The following SLC7A1 variants were observed in gnomAD, a reference collection of about 807,000 sequenced individuals.
SLC7A1 encodes the protein high affinity cationic amino acid transporter 1.
Under a neutral mutation model 53.9 loss-of-function variants are expected in SLC7A1, and 10 were observed. That is an observed-to-expected ratio of 0.19 (90% CI 0.11 to 0.31). The LOEUF (loss-of-function observed/expected upper bound fraction) is 0.31. Ranked by LOEUF, SLC7A1 falls within the 10% of genes least tolerant of loss-of-function variation. The pLI is 1.00. For missense variants in SLC7A1, 525 were observed against 827.2 expected (o/e 0.63, Z 4.48); for synonymous variants, 342 against 338.7 (o/e 1.01, Z -0.11).
At chr13:29,516,994 C>G in intron 11 of SLC7A1, 150 bp downstream of exon 11, 1 of 653,692 alleles carries the variant, frequency 1.5e-6, no homozygotes, top group Middle Eastern at 4.3e-4. Context: ...TCTGTGCCTT[C>G]AGGACCCCTG....
chr13:29,531,316 G>GTTT (rs35134959), intron 4 of SLC7A1, among the ~76,000 whole-genome samples: 54 of 149,912 alleles, frequency 3.6e-4, no homozygotes, highest in African/African-American at 7.6e-4. Flanking sequence ...GCAAACTCAC[G>GTTT]TTTTTTTTTT....
chr13:29,551,246 A>G (rs954250609), intron 2 of SLC7A1, among the ~76,000 whole-genome samples: 2 of 152,204 alleles, frequency 1.3e-5, no homozygotes, highest in East Asian at 3.8e-4. Flanking sequence ...ACCACCTATT[A>G]TGCACCTACT....
At chr13:29,588,128 C>G (rs1566279469) in intron 1 of SLC7A1, among the ~76,000 whole-genome samples, 1 of 152,190 alleles carries the variant, frequency 6.6e-6, no homozygotes, top group Admixed American at 6.5e-5. Context: ...AGAACCCCCA[C>G]ACTGCAAAAC....
intron 1 of SLC7A1, among the ~76,000 whole-genome samples, chr13:29,588,129 A>G (rs1036904949): frequency 1.3e-5 from 2 of 152,152 alleles, no homozygotes; most frequent in African/African-American, 4.8e-5. Flanking sequence ...GAACCCCCAC[A>G]CTGCAAAACT....
intron 1 of SLC7A1, among the ~76,000 whole-genome samples, chr13:29,580,847 G>C (rs2139182405): frequency 6.6e-6 from 1 of 152,180 alleles, no homozygotes; most frequent in Admixed American, 6.5e-5. Flanking sequence ...TGCCATGATG[G>C]GATTTTCAAC....
At chr13:29,518,218 T>C (rs1868448221) in intron 9 of SLC7A1, among the ~76,000 whole-genome samples, 1 of 152,250 alleles carries the variant, frequency 6.6e-6, no homozygotes, top group Non-Finnish European at 1.5e-5. Flanking sequence ...GAAATGTGGC[T>C]GCAGGCTAGA....
intron 12 of SLC7A1, 25 bp from the exon 13 acceptor site, chr13:29,514,608 C>G: frequency 1.3e-6 from 2 of 1,554,846 alleles, no homozygotes; most frequent in Non-Finnish European, 1.8e-6. Flanking sequence ...CAGAGACGGG[C>G]GTGAACAGAC....
intron 1 of SLC7A1, among the ~76,000 whole-genome samples, chr13:29,561,200 C>T (rs141816164): frequency 6.6e-6 from 1 of 152,296 alleles, no homozygotes; most frequent in East Asian, 1.9e-4. Context: ...ATGACGGCAG[C>T]ACACTTCTCA....
intron 2 of SLC7A1, among the ~76,000 whole-genome samples, chr13:29,545,762 C>T (rs1459036076): frequency 6.6e-6 from 1 of 152,126 alleles, no homozygotes; most frequent in African/African-American, 2.4e-5. Flanking sequence ...CTGTAAGTAC[C>T]ACCTACTCCA....
At position 29,554,535 on chromosome 13, in the gene SLC7A1, C is replaced by T. The variant is rs112336068; in HGVS notation, c.-114-675G>A. Reference sequence around the variant, plus strand: ...CTGGTATGAACGCAGCCTGAGGACACGCTACGAAGAACCTCATAGATGCAT... The same window carrying T: ...CTGGTATGAACGCAGCCTGAGGACATGCTACGAAGAACCTCATAGATGCAT... On this transcript the variant is annotated intron_variant, in intron 1 of 12. Coordinates refer to ENST00000380752, the MANE Select transcript of SLC7A1 (RefSeq NM_003045.5). 6.7e-3 allele frequency among the ~76,000 whole-genome samples: 1,014 copies of T among 152,268 alleles called. 10 individuals are homozygous for T. The highest frequency in any genetic ancestry group is 0.022 in the African/African-American group (914 of 41,548).
At chr13:29,561,511 A>C (rs890461253) in intron 1 of SLC7A1, among the ~76,000 whole-genome samples, 2 of 152,178 alleles carry the variant, frequency 1.3e-5, no homozygotes, top group African/African-American at 4.8e-5. Flanking sequence ...TTGTAAAAAG[A>C]GGGGGTTTCT....
intron 1 of SLC7A1, among the ~76,000 whole-genome samples, chr13:29,595,071 C>A (rs1403369819): frequency 6.6e-6 from 1 of 152,146 alleles, no homozygotes. Flanking sequence ...CCGACCACCC[C>A]GTGCGTAGCG....
intron 1 of SLC7A1, among the ~76,000 whole-genome samples, chr13:29,583,121 A>C (rs1033341541): frequency 1.3e-5 from 2 of 152,230 alleles, no homozygotes; most frequent in African/African-American, 4.8e-5. Context: ...GTCCCTCATT[A>C]GGTCTAGACC....
intron 1 of SLC7A1, among the ~76,000 whole-genome samples, chr13:29,572,707 TA>T (rs1461699108): frequency 3.9e-5 from 6 of 152,196 alleles, no homozygotes; most frequent in African/African-American, 1.4e-4. Flanking sequence ...CCCTAGTTTG[TA>T]ATCTACAAAG....
Position 29,595,095 on chromosome 13 carries a change from C to A in SLC7A1, c.-115+321G>T, listed in dbSNP as rs368867170. Reference sequence around the variant, plus strand: ...CCGTGCGTAGCGGCGCGCGGGTCCCCGGACAGGCGCGCGGAGCGGGCATCG... The same window carrying A: ...CCGTGCGTAGCGGCGCGCGGGTCCCAGGACAGGCGCGCGGAGCGGGCATCG... On this transcript the variant is annotated intron_variant, in intron 1 of 12. Transcript: ENST00000380752. Among the ~76,000 whole-genome samples, 8 of 151,874 alleles carry A rather than the reference C, an allele frequency of 5.3e-5. No individual in the cohort carries two copies. The East Asian group carries it at 1.4e-3, about 26-fold the overall frequency.
In SLC7A1 at chr13:29,512,191, A is replaced by G. The variant is rs1883413516; in HGVS notation, c.*2289T>C. On this transcript the variant is annotated 3_prime_UTR_variant, in exon 13 of 13. Transcript: ENST00000380752. ...AGGCACCCCCACGTGTCCTTTCCTA[A>G]CCAGGAAGCCCGTCCTCTAAGGAGG... 6.6e-6 allele frequency: 1 copy of G among 152,142 alleles called. No individual in the cohort carries two copies. The highest frequency in any genetic ancestry group is 2.4e-5 in the African/African-American group (1 of 41,426). 9.4% of individuals were successfully genotyped at this position (152,142 alleles called of 1,614,324 possible).
At chr13:29,554,350 G>A (rs1006714616) in intron 1 of SLC7A1, among the ~76,000 whole-genome samples, 6 of 152,154 alleles carry the variant, frequency 3.9e-5, no homozygotes, top group Admixed American at 1.3e-4. Flanking sequence ...ATTTAGTGAT[G>A]GAGTTCTATG....
At position 29,530,565 on chromosome 13, in the gene SLC7A1, T is replaced by C. The variant is rs1215155344; in HGVS notation, c.677A>G (p.Asn226Ser). The change falls in exon 5 of 13, where the codon AAC (asparagine) becomes AGC (serine). Residue 226 changes from asparagine to serine, a missense_variant. Around this residue, in one of 4 missense-constraint regions of SLC7A1, gnomAD observed 354 missense variants for 587.5 expected, o/e 0.60. Transcript: ENST00000380752. ...GTTCAAACAGAGACGGCCTGATGTG[T>C]TCCCAAAATCCTCCTCCGTGAGCTG... ...NWQLTEEDFG[N>S]TSGRLCLNND... 1.2e-6 allele frequency: 2 copies of C among 1,614,108 alleles called. No individual in the cohort carries two copies. The highest frequency in any genetic ancestry group is 1.7e-6 in the Non-Finnish European group (2 of 1,180,020).
intron 2 of SLC7A1, among the ~76,000 whole-genome samples, chr13:29,542,681 C>CAAAA (rs141880332): frequency 2.9e-5 from 4 of 137,422 alleles, no homozygotes; most frequent in Non-Finnish European, 6.2e-5. Flanking sequence ...GACCCTGTTT[C>CAAAA]AAAAAAAAAA....
Sources: gnomAD v4.1 joint callset for allele counts (sites outside exome capture counted in the v4.1 genomes callset) on GRCh38, gnomAD v4.1.1 for gene constraint, gnomAD v4.1.1 regional missense constraint, MANE v1.5 for transcripts, NCBI Gene and HGNC (gene_info 2026-07-23, HGNC 2026-07-21) for gene names.